Variants in TRAF2 observed in about 807,000 individuals in gnomAD.
TRAF2 encodes TNF receptor-associated factor 2.
TRAF2 carries 6 observed loss-of-function variants against 55.6 expected under a neutral mutation model. The observed-to-expected ratio is 0.11, with a 90% confidence interval of 0.06 to 0.21. TRAF2 has a LOEUF of 0.21. Among genes scored for constraint, TRAF2 ranks in the 10% least tolerant of loss-of-function variants. TRAF2 has a pLI of 1.00. For synonymous variants in TRAF2, 329 were observed against 276.3 expected, an observed-to-expected ratio of 1.19 and a Z score of -1.89; for missense variants, 561 against 684.5, an observed-to-expected ratio of 0.82 and a Z score of 2.01.
intron 1 of TRAF2, among the ~76,000 whole-genome samples, chr9:136,893,724 G>A (rs1180793755): frequency 2.0e-5 from 3 of 152,070 alleles, no homozygotes; most frequent in Non-Finnish European, 2.9e-5. Flanking sequence ...TCCTATTTGG[G>A]GTCTGTGTGG....
intron 5 of TRAF2, among the ~76,000 whole-genome samples, chr9:136,908,906 C>T (rs966203817): frequency 6.4e-4 from 89 of 137,996 alleles, no homozygotes; most frequent in East Asian, 2.3e-3. Flanking sequence ...GGCACGGTGG[C>T]GAGTGCCTGT....
chr9:136,915,191 T>C (rs1038464672), intron 6 of TRAF2, among the ~76,000 whole-genome samples: 2 of 152,156 alleles, frequency 1.3e-5, no homozygotes, highest in African/African-American at 4.8e-5. Flanking sequence ...AAAAAAAGTT[T>C]TGTAATTTTG....
At position 136,909,411 on chromosome 9, in the gene TRAF2, C is replaced by T. The variant is rs1041428241; in HGVS notation, c.529-509C>T. On this transcript the variant is annotated intron_variant, in intron 5 of 10. Coordinates refer to ENST00000247668, the MANE Select transcript of TRAF2 (RefSeq NM_021138.4). ...CTCTGGGGCCCATGGCATCTTTTTT[C>T]CTGGGCTCTTGTCCTTCAGGAGCCC... Among the ~76,000 whole-genome samples, 4 of 152,138 alleles carry T rather than the reference C, an allele frequency of 2.6e-5. No individual in the cohort carries two copies. In the East Asian group the frequency reaches 7.7e-4, roughly 29 times the overall value.
chr9:136,891,089 T>C (rs1460463680), intron 1 of TRAF2, among the ~76,000 whole-genome samples: 1 of 152,090 alleles, frequency 6.6e-6, no homozygotes, highest in Non-Finnish European at 1.5e-5. Flanking sequence ...GGCCATTTTT[T>C]GTATTTTTAG....
chr9:136,906,965 C>T (rs1262065304), intron 4 of TRAF2, among the ~76,000 whole-genome samples: 1 of 152,264 alleles, frequency 6.6e-6, no homozygotes, highest in African/African-American at 2.4e-5. Flanking sequence ...TGGAAGGGTT[C>T]AGCCACATCC....
chr9:136,914,588 C>A (rs1301002602), intron 6 of TRAF2, among the ~76,000 whole-genome samples: 1 of 152,190 alleles, frequency 6.6e-6, no homozygotes, highest in Non-Finnish European at 1.5e-5. Context: ...TGGGTTCACA[C>A]GGATGTTTGC....
At chr9:136,910,724 G>T (rs1166827933) in intron 6 of TRAF2, among the ~76,000 whole-genome samples, 1 of 152,152 alleles carries the variant, frequency 6.6e-6, no homozygotes, top group African/African-American at 2.4e-5. Flanking sequence ...CCTGCCCGCG[G>T]GCTCAGCCTG....
At chr9:136,913,860 C>G (rs1850179700) in intron 6 of TRAF2, among the ~76,000 whole-genome samples, 1 of 152,114 alleles carries the variant, frequency 6.6e-6, no homozygotes, top group African/African-American at 2.4e-5. Context: ...ACCATGCTCC[C>G]AGGGCTTGGT....
intron 2 of TRAF2, 49 bp from the exon 3 acceptor site, chr9:136,899,545 T>C (rs951472375): frequency 1.9e-6 from 3 of 1,561,450 alleles, no homozygotes; most frequent in Non-Finnish European, 2.6e-6. Flanking sequence ...TGTTTGTTTT[T>C]TGCATTAGGT....
At chr9:136,907,138 C>T (rs893203465) in intron 4 of TRAF2, among the ~76,000 whole-genome samples, 5 of 152,238 alleles carry the variant, frequency 3.3e-5, no homozygotes, top group African/African-American at 9.6e-5. Context: ...CACCGCCTCC[C>T]TTCCCTCTGT....
intron 9 of TRAF2, chr9:136,922,428 T>C (rs10781523): frequency 0.35 from 53,203 of 152,320 alleles, 10,385 homozygotes; most frequent in East Asian, 0.52. Context: ...GCACTAAGCG[T>C]TGGGTGAAGG....
At chr9:136,917,828 C>T (rs1419958303) in intron 7 of TRAF2, among the ~76,000 whole-genome samples, 1 of 152,174 alleles carries the variant, frequency 6.6e-6, no homozygotes, top group Admixed American at 6.5e-5. Context: ...CATCTGCCAT[C>T]TCTAGGAAGC....
intron 1 of TRAF2, among the ~76,000 whole-genome samples, chr9:136,896,565 G>A (rs1015094710): frequency 2.0e-5 from 3 of 152,222 alleles, no homozygotes; most frequent in Admixed American, 6.5e-5. Context: ...CTTCACTTCA[G>A]CTAGAAGCTT....
intron 6 of TRAF2, among the ~76,000 whole-genome samples, chr9:136,911,774 C>A (rs575097919): frequency 6.6e-6 from 1 of 151,108 alleles, no homozygotes. Flanking sequence ...CTGGCCCGTT[C>A]CAGAGGAGAA....
At chr9:136,910,517 G>A (rs766154008) in intron 6 of TRAF2, among the ~76,000 whole-genome samples, 6 of 152,218 alleles carry the variant, frequency 3.9e-5, no homozygotes, top group Non-Finnish European at 8.8e-5. Context: ...ACACCTTTAG[G>A]AAAGGAAGCT....
In TRAF2 at chr9:136,898,820, A is replaced by G. The variant is rs1412241508; in HGVS notation, c.80A>G (p.Lys27Arg). The G allele has an allele frequency of 6.2e-7, 1 of 1,613,786 alleles. No individual in the cohort carries two copies. The highest frequency in any genetic ancestry group is 2.2e-5 in the East Asian group (1 of 44,886). Reference protein sequence around the residue: ...PGFSKTLLGTKLEAKYLCSAC... With the variant: ...PGFSKTLLGTRLEAKYLCSAC... The stretch of plus-strand genomic sequence containing the variant: ...TTCTCCAAGACCCTCCTGGGGACCA[A>G]GCTGGAAGCCAAGTACCTGTGCTCC... Residue 27 changes from lysine to arginine, a missense_variant, in exon 2 of 11, where the codon AAG (lysine) becomes AGG (arginine). Coordinates refer to ENST00000247668, the MANE Select transcript of TRAF2 (RefSeq NM_021138.4).
At chr9:136,912,777 C>T (rs1022256007) in intron 6 of TRAF2, among the ~76,000 whole-genome samples, 2 of 152,080 alleles carry the variant, frequency 1.3e-5, no homozygotes, top group African/African-American at 4.8e-5. Flanking sequence ...GTGGAGGTTG[C>T]AGTGAGCTGA....
intron 1 of TRAF2, among the ~76,000 whole-genome samples, chr9:136,896,666 A>C (rs538076233): frequency 1.1e-4 from 17 of 151,652 alleles, no homozygotes; most frequent in Admixed American, 9.2e-4. Flanking sequence ...TTTTGAGTGG[A>C]GTCTCGCTCT....
At chr9:136,920,640 A>G in intron 8 of TRAF2, 125 bp downstream of exon 8, 1 of 1,299,394 alleles carries the variant, frequency 7.7e-7, no homozygotes, top group Middle Eastern at 2.5e-4. Context: ...TCCATCTGCA[A>G]ACCCCAGTCC....
Sources: gnomAD v4.1 joint callset for allele counts (sites outside exome capture counted in the v4.1 genomes callset) on GRCh38, gnomAD v4.1.1 for gene constraint, MANE v1.5 for transcripts, NCBI Gene and HGNC (gene_info 2026-07-23, HGNC 2026-07-21) for gene names.